OPN1SW: variants seen among roughly 807,000 people sequenced by gnomAD.
OPN1SW encodes the protein opsin 1, short wave sensitive.
A neutral mutation model predicts 31.9 loss-of-function variants in OPN1SW; 25 were observed. The ratio of observed to expected loss-of-function variants is 0.78; its 90% CI spans 0.57 to 1.09. The LOEUF (loss-of-function observed/expected upper bound fraction) is 1.09, where lower values mean the gene tolerates loss of function less well. Among genes scored for constraint, OPN1SW ranks in the 50% least tolerant of loss-of-function variants. The pLI is 0.00. For synonymous variants in OPN1SW, 190 were observed against 171.9 expected (o/e 1.11, Z -0.82); for missense variants, 424 against 448.0 (o/e 0.95, Z 0.48).
intron 4 of OPN1SW, among the ~76,000 whole-genome samples, chr7:128,773,329 G>C (rs1159633203): frequency 6.6e-6 from 1 of 152,128 alleles, no homozygotes; most frequent in Non-Finnish European, 1.5e-5. Context: ...AGGATGTGCA[G>C]GTTTGTTACA....
chr7:128,773,316 T>C (rs2128885619), intron 4 of OPN1SW, among the ~76,000 whole-genome samples: 1 of 152,348 alleles, frequency 6.6e-6, no homozygotes, highest in Non-Finnish European at 1.5e-5. Flanking sequence ...AGGATACATG[T>C]GCAGGATGTG....
Position 128,774,399 on chromosome 7 carries a change from T to TG in OPN1SW, c.678+98dup, listed in dbSNP as rs1801708250. 10 of 1,492,508 alleles carry TG rather than the reference T, an allele frequency of 6.7e-6. No individual in the cohort carries two copies. The Admixed American group carries it at 1.7e-4, about 25-fold the overall frequency. The allele number at this position is 1,492,508 out of a possible 1,614,324, so 92.5% of individuals were successfully genotyped here. A position where few individuals can be genotyped will look rare whatever the true frequency, so the allele number is the denominator to read the frequency against. ...CTTTGCTGCTTTTAGATACCCTCTC[T>TG]GGCTATGGACATTTCCAGGCATCTT... On this transcript the variant is annotated intron_variant, in intron 3 of 4. Transcript: ENST00000249389.
chr7:128,774,530 A>AG lies in OPN1SW; in HGVS notation c.645dup (p.Ser216LeufsTer26). 6.2e-7 allele frequency: 1 copy of AG among 1,614,068 alleles called. No individual in the cohort carries two copies. Among genetic ancestry groups the AG allele is most frequent in the South Asian group, 1.1e-5 (1 of 91,080 alleles). The stretch of plus-strand genomic sequence containing the variant: ...AGGGCCCTCAGCAGCTGAGTGTAGG[A>AG]GAAGCAGATGAGGGAGAGAGGCACA... On this transcript the variant is annotated frameshift_variant, in exon 3 of 5. Transcript: ENST00000249389. LOFTEE classifies it high-confidence loss of function.
At chr7:128,773,094 C>T (rs898783225) in intron 4 of OPN1SW, among the ~76,000 whole-genome samples, 5 of 152,136 alleles carry the variant, frequency 3.3e-5, no homozygotes, top group African/African-American at 1.2e-4. Flanking sequence ...TTTATTAGCT[C>T]GGATTTCAGA....
rs1801751749 is a variant in OPN1SW, at chr7:128,775,763, A to G, written c.19T>C (p.Tyr7His). MSEEEF[Y>H]LFKNISSVGP... Reference sequence around the variant, plus strand: ...ACTGAAGAGATATTTTTGAACAGATAAAACTCTTCCTCCGACATTTTTCTC... The same window carrying G: ...ACTGAAGAGATATTTTTGAACAGATGAAACTCTTCCTCCGACATTTTTCTC... The change falls in exon 1 of 5, where the codon TAT becomes CAT. Residue 7 changes from tyrosine to histidine, a missense_variant. Tyr to His is a moderately conservative substitution (Grantham distance 83). Transcript: ENST00000249389. 3.1e-6 allele frequency: 5 copies of G among 1,614,014 alleles called. No individual in the cohort carries two copies. The highest frequency in any genetic ancestry group is 1.3e-5 in the African/African-American group (1 of 74,906).
chr7:128,773,956 TTTTTAA>T, intron 3 of OPN1SW, 68 bp from the exon 4 acceptor site: 3 of 1,474,586 alleles, frequency 2.0e-6, no homozygotes, highest in East Asian at 2.5e-5. Flanking sequence ...TTTTTTTTTT[TTTTTAA>T]TTTTTAATTT....
Position 128,775,048 on chromosome 7 carries a change from C to T in OPN1SW, c.450G>A (p.Val150=). 6.2e-7 allele frequency: 1 copy of T among 1,614,226 alleles called. No homozygotes were observed. Among genetic ancestry groups the T allele is most frequent in the Non-Finnish European group, 8.5e-7 (1 of 1,180,052 alleles). The change falls in exon 2 of 5, where the codon GTG becomes GTA. Residue 150 remains valine (V), a synonymous_variant. Coordinates refer to ENST00000249389, the MANE Select transcript of OPN1SW (RefSeq NM_001385125.1). ...TACCAATGGTCCAGGTAGCCAGGAC[C>T]ACCGTCAGTGCATGCTTGGAGCTGA... ...FRFSSKHALT[V]VLATWTIGIG...
intron 4 of OPN1SW, among the ~76,000 whole-genome samples, chr7:128,772,907 T>G (rs981508849): frequency 2.6e-5 from 4 of 152,238 alleles, no homozygotes; most frequent in Non-Finnish European, 4.4e-5. Context: ...CAAACCATCC[T>G]GCTTCATAAA....
chr7:128,772,589 T>C lies in OPN1SW; in HGVS notation c.989A>G (p.Gln330Arg). 1 of 1,614,232 alleles carries C rather than the reference T, an allele frequency of 6.2e-7. No homozygotes were observed. Residue 330 changes from glutamine (Q) to arginine (R), a missense_variant, in exon 5 of 5, where the codon CAG becomes CGG. Transcript: ENST00000249389. ...CGAGACAGTAGAAACTTCTGTTTTC[T>C]GGGAGCTGCATGTGTCGGATTCATC... Reference protein sequence around the residue: ...MTDESDTCSSQKTEVSTVSST... With the variant: ...MTDESDTCSSRKTEVSTVSST...
intron 3 of OPN1SW, 117 bp from the exon 4 acceptor site, chr7:128,774,005 G>A: frequency 7.4e-7 from 1 of 1,344,626 alleles, no homozygotes; most frequent in Non-Finnish European, 9.8e-7. Flanking sequence ...GTCTCGCTCT[G>A]TTGCCCAGGC....
Position 128,775,513 on chromosome 7 carries a change from A to T in OPN1SW, c.269T>A (p.Val90Asp), listed in dbSNP as rs1801743183. The T allele has an allele frequency of 1.9e-6, 3 of 1,613,948 alleles. No individual in the cohort carries two copies. The highest frequency in any genetic ancestry group is 3.3e-4 in the Middle Eastern group (2 of 6,080). ...GACGAAGTATCCGTTACAGCTGGCG[A>T]CGAAGACAGGGAAGACAGAGAAGAT... ...LCIFSVFPVF[V>D]ASCNGYFVFG... Residue 90 changes from valine to aspartate, a missense_variant, in exon 1 of 5, where the codon GTC becomes GAC. Coordinates refer to ENST00000249389, the MANE Select transcript of OPN1SW (RefSeq NM_001385125.1).
chr7:128,772,721 C>T (rs1007417450), intron 4 of OPN1SW, 62 bp from the exon 5 acceptor site: 2 of 1,607,838 alleles, frequency 1.2e-6, no homozygotes, highest in East Asian at 2.2e-5. Context: ...GAAAAAAGAC[C>T]TTATTCTCTG....
At chr7:128,773,940 A>G (rs111528380) in intron 3 of OPN1SW, 52 bp from the exon 4 acceptor site, 43,868 of 1,370,612 alleles carry the variant, frequency 0.032, 732 homozygotes, top group Non-Finnish European at 0.037. Flanking sequence ...GGCCCTCTGG[A>G]TGCTTTTTTT....
chr7:128,773,115 A>G lies in OPN1SW; in HGVS notation c.919-456T>C, dbSNP rs146689090. Among the ~76,000 whole-genome samples the G allele has an allele frequency of 4.8e-3, 738 of 152,328 alleles. 9 individuals are homozygous for G. The highest frequency in any genetic ancestry group is 0.017 in the African/African-American group (705 of 41,562). On this transcript the variant is annotated intron_variant, in intron 4 of 4. Transcript: ENST00000249389. ...AGCTCGGATTTCAGATGGGATAGGA[A>G]ATCCCCCAGTACCTTCAGATGATAA...
At chr7:128,773,942 G>A in intron 3 of OPN1SW, 54 bp from the exon 4 acceptor site, 1 of 1,465,976 alleles carries the variant, frequency 6.8e-7, no homozygotes, top group East Asian at 2.4e-5. Context: ...CCCTCTGGAT[G>A]CTTTTTTTTT....
Position 128,772,955 on chromosome 7 carries a change from G to A in OPN1SW, c.919-296C>T, listed in dbSNP as rs545326925. Among the ~76,000 whole-genome samples, 10 of 152,298 alleles carry A rather than the reference G, an allele frequency of 6.6e-5. No individual in the cohort carries two copies. The East Asian group carries it at 1.5e-3, about 24-fold the overall frequency. On this transcript the variant is annotated intron_variant, in intron 4 of 4. Transcript: ENST00000249389. The stretch of plus-strand genomic sequence containing the variant: ...AGAGGCCCCTCCATTACTAGCAGGT[G>A]CTCCCAGCTGGAAAGGACTGCCAAT...
chr7:128,775,215 T>C, intron 1 of OPN1SW, 61 bp from the exon 2 acceptor site: 1 of 1,568,084 alleles, frequency 6.4e-7, no homozygotes, highest in Non-Finnish European at 8.7e-7. Flanking sequence ...GCTGGCAGAG[T>C]GGCAAACAGA....
rs1801740674 is a variant in OPN1SW at position 128,775,444 on chromosome 7, A to G, written c.338T>C (p.Val113Ala). 3 of 1,613,198 alleles carry G rather than the reference A, an allele frequency of 1.9e-6. No individual in the cohort carries two copies. The highest frequency in any genetic ancestry group is 4.5e-5 in the East Asian group (2 of 44,882). Residue 113 changes from valine to alanine, a missense_variant, in exon 1 of 5, where the codon GTA becomes GCA. Transcript: ENST00000249389. ...VCALEGFLGT[V>A]AGLVTGWSLA... The stretch of plus-strand genomic sequence containing the variant: ...CCCTTTTTCCCCTGCAGTACCTGCT[A>G]CAGTGCCCAGGAAGCCCTCCAAAGC...
rs1339315461 is a variant in OPN1SW at position 128,774,649 on chromosome 7, C to T, written c.527G>A (p.Gly176Asp). 3 of 1,614,112 alleles carry T rather than the reference C, an allele frequency of 1.9e-6. No homozygotes were observed. Among genetic ancestry groups the T allele is most frequent in the Non-Finnish European group, 2.5e-6 (3 of 1,180,030 alleles). ...GTCAGGGCCACAGGAACACTGCAGG[C>T]CCTCAGGGATGAACCTGCAAAGGAC... The part of the protein sequence containing the change: ...FFGWSRFIPE[G>D]LQCSCGPDWY... Residue 176 changes from glycine to aspartate, a missense_variant, in exon 3 of 5, where the codon GGC becomes GAC. Gly to Asp is a moderately conservative substitution (Grantham distance 94). Transcript: ENST00000249389.
Sources: allele counts gnomAD v4.1 joint callset (sites outside exome capture counted in the v4.1 genomes callset), GRCh38; gene constraint gnomAD v4.1.1; transcripts MANE v1.5; gene names NCBI Gene and HGNC (gene_info 2026-07-23, HGNC 2026-07-21).